TBXAS1: variants seen among roughly 807,000 people sequenced by gnomAD.
TBXAS1 encodes the protein thromboxane A synthase 1.
Under a neutral mutation model 60.7 loss-of-function variants are expected in TBXAS1, and 48 were observed. The observed-to-expected ratio is 0.79, with a 90% CI of 0.63 to 1.01. The LOEUF is 1.01. Ranked by LOEUF, TBXAS1 falls within the 50% of genes least tolerant of loss-of-function variation. TBXAS1 has a pLI of 0.00. For synonymous variants in TBXAS1, 287 were observed against 269.7 expected, an observed-to-expected ratio of 1.06 and a Z score of -0.63; for missense variants, 685 against 686.3, an observed-to-expected ratio of 1.00 and a Z score of 0.02.
Position 139,875,630 on chromosome 7 carries a change from C to A in TBXAS1, c.229C>A (p.Leu77Met), listed in dbSNP as rs1364284823. The change falls in exon 3 of 13, where the codon CTG becomes ATG. Residue 77 changes from leucine to methionine, a missense_variant. Transcript: ENST00000448866. Reference sequence around the variant, plus strand: ...GGAGCTCAGAAAGCTGTATGGACCTCTGTGTGGGTAAGAAGGAAACTCAAC... The same window carrying A: ...GGAGCTCAGAAAGCTGTATGGACCTATGTGTGGGTAAGAAGGAAACTCAAC... ...QMELRKLYGP[L>M]CGYYLGRRMF... 2 of 1,612,432 alleles carry A rather than the reference C, an allele frequency of 1.2e-6. No individual in the cohort carries two copies. The highest frequency in any genetic ancestry group is 1.7e-5 in the Admixed American group (1 of 59,974).
Position 139,893,873 on chromosome 7 carries a change from G to T in TBXAS1, c.237-17352G>T, listed in dbSNP as rs1165312193. On this transcript the variant is annotated intron_variant, in intron 3 of 12. Coordinates refer to ENST00000448866, the MANE Select transcript of TBXAS1 (RefSeq NM_001061.7). Reference sequence around the variant, plus strand: ...TGGGTATATTCAATAGAGTAGGGAGGTTTATCATTACAGGTTTCTTTCAGA... The same window carrying T: ...TGGGTATATTCAATAGAGTAGGGAGTTTTATCATTACAGGTTTCTTTCAGA... 1.8e-4 allele frequency among the ~76,000 whole-genome samples: 27 copies of T among 152,164 alleles called. 1 individual carries two copies. The highest frequency in any genetic ancestry group is 1.8e-3 in the Admixed American group (27 of 15,274).
chr7:139,967,863 T>C (rs942643642), intron 9 of TBXAS1, among the ~76,000 whole-genome samples: 1 of 152,224 alleles, frequency 6.6e-6, no homozygotes, highest in Non-Finnish European at 1.5e-5. Flanking sequence ...TGTTATGTGA[T>C]CATGTTCACC....
At chr7:140,014,068 C>T (rs1285603525) in intron 10 of TBXAS1, among the ~76,000 whole-genome samples, 1 of 152,192 alleles carries the variant, frequency 6.6e-6, no homozygotes, top group East Asian at 1.9e-4. Flanking sequence ...GGCAGCCCAT[C>T]CTTGGGAAGA....
At chr7:139,833,676 CTCTT>C (rs1292386146) in intron 1 of TBXAS1, among the ~76,000 whole-genome samples, 2 of 150,952 alleles carry the variant, frequency 1.3e-5, no homozygotes, top group Non-Finnish European at 3.0e-5. Flanking sequence ...CACAGCAAGA[CTCTT>C]TCTCAAAAAA....
intron 5 of TBXAS1, among the ~76,000 whole-genome samples, chr7:139,940,438 C>G (rs1052865772): frequency 4.6e-5 from 7 of 152,164 alleles, no homozygotes; most frequent in Admixed American, 6.5e-5. Context: ...TTTCAGCCAC[C>G]TCAAGATCTA....
At chr7:139,940,620 AC>A (rs1162990800) in intron 5 of TBXAS1, among the ~76,000 whole-genome samples, 2 of 150,970 alleles carry the variant, frequency 1.3e-5, no homozygotes, top group African/African-American at 4.9e-5. Context: ...TGGCCCCTGA[AC>A]CCCCACCCTC....
intron 9 of TBXAS1, among the ~76,000 whole-genome samples, chr7:140,002,009 C>T (rs1813707764): frequency 6.6e-6 from 1 of 152,204 alleles, no homozygotes; most frequent in Admixed American, 6.5e-5. Flanking sequence ...TCCTGATAGA[C>T]TGGAAGCTCC....
At chr7:139,945,421 T>G (rs1241209785) in intron 5 of TBXAS1, among the ~76,000 whole-genome samples, 1 of 152,188 alleles carries the variant, frequency 6.6e-6, no homozygotes, top group African/African-American at 2.4e-5. Flanking sequence ...TCAGAGCCAG[T>G]TTTCAGCAAA....
chr7:139,968,268 CA>C (rs1309885024), intron 9 of TBXAS1, among the ~76,000 whole-genome samples: 1 of 152,124 alleles, frequency 6.6e-6, no homozygotes, highest in Non-Finnish European at 1.5e-5. Flanking sequence ...AAAACAGTTA[CA>C]ATCCACTTTT....
At chr7:139,910,347 C>A (rs1261241191) in intron 3 of TBXAS1, among the ~76,000 whole-genome samples, 1 of 152,120 alleles carries the variant, frequency 6.6e-6, no homozygotes, top group African/African-American at 2.4e-5. Flanking sequence ...CATTAAGTAT[C>A]TGTTGAGGGC....
chr7:139,941,247 C>G (rs1028765573), intron 5 of TBXAS1, among the ~76,000 whole-genome samples: 10 of 152,176 alleles, frequency 6.6e-5, no homozygotes, highest in African/African-American at 2.2e-4. Flanking sequence ...GAGGCTTTCT[C>G]CTTTAGAACC....
At chr7:139,995,119 G>A (rs903222735) in intron 9 of TBXAS1, among the ~76,000 whole-genome samples, 6 of 152,120 alleles carry the variant, frequency 3.9e-5, no homozygotes, top group African/African-American at 1.4e-4. Context: ...AACACATCTC[G>A]TATTCTATAG....
At chr7:139,967,672 T>C (rs1810892340) in intron 9 of TBXAS1, among the ~76,000 whole-genome samples, 1 of 152,162 alleles carries the variant, frequency 6.6e-6, no homozygotes, top group African/African-American at 2.4e-5. Flanking sequence ...TTGGAGTTGG[T>C]GTCTAGGTGA....
intron 1 of TBXAS1, among the ~76,000 whole-genome samples, chr7:139,870,579 TGAAGA>T (rs1801745062): frequency 6.6e-6 from 1 of 152,230 alleles, no homozygotes; most frequent in Admixed American, 6.5e-5. Flanking sequence ...CTCACACTAA[TGAAGA>T]GGAGTGTTGG....
chr7:139,926,076 T>C (rs560895186), intron 4 of TBXAS1, among the ~76,000 whole-genome samples: 1 of 152,248 alleles, frequency 6.6e-6, no homozygotes, highest in East Asian at 1.9e-4. Flanking sequence ...TCTTCAGGGA[T>C]ATTGGCCTGT....
intron 3 of TBXAS1, among the ~76,000 whole-genome samples, chr7:139,904,238 C>T (rs986985710): frequency 6.6e-6 from 1 of 151,902 alleles, no homozygotes; most frequent in African/African-American, 2.4e-5. Context: ...TTTGCTTTGT[C>T]GAAGATCAGT....
At chr7:139,832,583 A>T (rs1798780398) in intron 1 of TBXAS1, among the ~76,000 whole-genome samples, 1 of 152,250 alleles carries the variant, frequency 6.6e-6, no homozygotes, top group Admixed American at 6.5e-5. Context: ...AGAGACCTAG[A>T]CATCCAAATA....
intron 12 of TBXAS1, 68 bp downstream of exon 12, chr7:140,017,901 G>A: frequency 6.2e-7 from 1 of 1,609,456 alleles, no homozygotes; most frequent in Non-Finnish European, 8.5e-7. Flanking sequence ...TTCTCTGCGT[G>A]AGAGCAGGCC....
At position 140,005,501 on chromosome 7, in the gene TBXAS1, G is replaced by A. The variant is rs143899195; in HGVS notation, c.1135-1590G>A. 3.7e-4 allele frequency among the ~76,000 whole-genome samples: 56 copies of A among 152,256 alleles called. 1 individual carries two copies. The East Asian group carries it at 8.9e-3, about 24-fold the overall frequency. ...ACAGCGCCACAGAGGATTAACCCCC[G>A]CACAGAGCCCTTTTCATTGGTCACT... On this transcript the variant is annotated intron_variant, in intron 9 of 12. Transcript: ENST00000448866.
Sources: gnomAD v4.1 joint callset for allele counts (sites outside exome capture counted in the v4.1 genomes callset) on GRCh38, gnomAD v4.1.1 for gene constraint, MANE v1.5 for transcripts, NCBI Gene and HGNC (gene_info 2026-07-23, HGNC 2026-07-21) for gene names.